Variants in PRKCB observed in about 807,000 individuals in gnomAD.
PRKCB encodes protein kinase C beta, also known as protein kinase C beta type.
In PRKCB, 13 loss-of-function variants were observed where a neutral mutation model predicts 81.5. The ratio of observed to expected loss-of-function variants is 0.16; its 90% CI spans 0.10 to 0.25. The LOEUF (loss-of-function observed/expected upper bound fraction) is 0.25. Ranked by LOEUF, PRKCB falls within the 10% of genes least tolerant of loss-of-function variation. The probability of loss-of-function intolerance (pLI) is 1.00; values close to 1 mark genes in which losing one functional copy is unlikely to be tolerated. For missense variants in PRKCB, 509 were observed against 875.7 expected (o/e 0.58, Z 5.29); for synonymous variants, 335 against 321.4 (o/e 1.04, Z -0.45).
chr16:24,209,397 C>A (rs1021964819), intron 16 of PRKCB, among the ~76,000 whole-genome samples: 4 of 152,248 alleles, frequency 2.6e-5, no homozygotes, highest in African/African-American at 9.6e-5. Flanking sequence ...TCTAGCTCCC[C>A]AAACCTCTGC....
At chr16:23,982,067 T>C (rs151055457) in intron 2 of PRKCB, among the ~76,000 whole-genome samples, 576 of 9,246 alleles carry the variant, frequency 0.062, no homozygotes, top group Middle Eastern at 0.17. Flanking sequence ...CTTCCCCTTC[T>C]CTTTCCCTTC....
chr16:24,157,316 A>C (rs1967176050), intron 10 of PRKCB, among the ~76,000 whole-genome samples: 1 of 152,166 alleles, frequency 6.6e-6, no homozygotes, highest in Admixed American at 6.5e-5. Context: ...TGTAGTTCCC[A>C]TAATCCCCAT....
chr16:24,050,438 C>T (rs928202272), intron 5 of PRKCB, among the ~76,000 whole-genome samples: 13 of 151,622 alleles, frequency 8.6e-5, no homozygotes, highest in Non-Finnish European at 4.4e-5. Flanking sequence ...TCAAACCTTT[C>T]GGCTTCCAGC....
At chr16:24,017,403 T>C (rs1965293452) in intron 3 of PRKCB, among the ~76,000 whole-genome samples, 1 of 151,960 alleles carries the variant, frequency 6.6e-6, no homozygotes, top group South Asian at 2.1e-4. Flanking sequence ...CATAAAAGAC[T>C]ACCAGAAAAT....
intron 5 of PRKCB, among the ~76,000 whole-genome samples, chr16:24,064,554 T>A (rs1451632886): frequency 1.3e-5 from 2 of 152,200 alleles, no homozygotes; most frequent in Non-Finnish European, 2.9e-5. Context: ...GTATCCTGTG[T>A]TTGTTGGATG....
chr16:23,836,398 G>A, intron 1 of PRKCB, 50 bp downstream of exon 1: 17 of 1,581,286 alleles, frequency 1.1e-5, no homozygotes, highest in Non-Finnish European at 1.5e-5. Context: ...GGGCAGCGCC[G>A]CGCCAGGGAC....
chr16:24,069,823 T>A (rs897153119), intron 5 of PRKCB, among the ~76,000 whole-genome samples: 1 of 152,238 alleles, frequency 6.6e-6, no homozygotes, highest in African/African-American at 2.4e-5. Flanking sequence ...CATGACATCA[T>A]CAGAGCCTAG....
At chr16:23,872,999 G>A (rs1359844350) in intron 2 of PRKCB, among the ~76,000 whole-genome samples, 1 of 150,620 alleles carries the variant, frequency 6.6e-6, no homozygotes, top group Non-Finnish European at 1.5e-5. Context: ...CCAACATGGT[G>A]AAACCCCGAC....
chr16:24,128,299 G>A (rs997749029), intron 9 of PRKCB, among the ~76,000 whole-genome samples: 2 of 152,066 alleles, frequency 1.3e-5, no homozygotes, highest in South Asian at 4.1e-4. Context: ...CGCTTGAACC[G>A]AGGAGGCGGA....
At chr16:23,897,073 CAGG>C (rs1963392487) in intron 2 of PRKCB, among the ~76,000 whole-genome samples, 1 of 152,182 alleles carries the variant, frequency 6.6e-6, no homozygotes, top group Non-Finnish European at 1.5e-5. Flanking sequence ...GACCCTGTGC[CAGG>C]TGTTGATCAC....
intron 2 of PRKCB, among the ~76,000 whole-genome samples, chr16:23,937,328 C>G (rs1964075692): frequency 6.6e-6 from 1 of 152,184 alleles, no homozygotes; most frequent in African/African-American, 2.4e-5. Context: ...GAGAGGACAT[C>G]TTTTCATATG....
At chr16:23,937,891 G>A (rs1964084496) in intron 2 of PRKCB, among the ~76,000 whole-genome samples, 1 of 152,192 alleles carries the variant, frequency 6.6e-6, no homozygotes, top group Non-Finnish European at 1.5e-5. Context: ...TGAATTGAAC[G>A]TTCAGTTGTG....
At chr16:23,913,729 C>T (rs1049309937) in intron 2 of PRKCB, among the ~76,000 whole-genome samples, 2 of 152,196 alleles carry the variant, frequency 1.3e-5, no homozygotes, top group Non-Finnish European at 2.9e-5. Context: ...TGGCTCAGTG[C>T]AGGAAGGGTT....
At chr16:24,138,149 G>A (rs1265737544) in intron 9 of PRKCB, among the ~76,000 whole-genome samples, 1 of 152,234 alleles carries the variant, frequency 6.6e-6, no homozygotes, top group Non-Finnish European at 1.5e-5. Flanking sequence ...AGCGGTGGAG[G>A]CAGGTTCAAA....
At chr16:24,112,550 C>G (rs57022966) in intron 7 of PRKCB, among the ~76,000 whole-genome samples, 1 of 151,990 alleles carries the variant, frequency 6.6e-6, no homozygotes, top group African/African-American at 2.4e-5. Context: ...AAAGCAACAA[C>G]AACAATAACA....
chr16:24,087,411 TCC>T (rs986848499), intron 5 of PRKCB, among the ~76,000 whole-genome samples: 2 of 152,236 alleles, frequency 1.3e-5, no homozygotes, highest in Non-Finnish European at 2.9e-5. Context: ...ATTTACTGTT[TCC>T]CCCATTGGTG....
chr16:23,842,215 G>T (rs1298598607), intron 2 of PRKCB, among the ~76,000 whole-genome samples: 2 of 152,132 alleles, frequency 1.3e-5, no homozygotes, highest in African/African-American at 4.8e-5. Context: ...CTTACTCCCT[G>T]TGTGACCTTG....
chr16:24,062,793 CA>C (rs1345756478), intron 5 of PRKCB, among the ~76,000 whole-genome samples: 1 of 152,050 alleles, frequency 6.6e-6, no homozygotes, highest in South Asian at 2.1e-4. Flanking sequence ...CTTCTTGTGC[CA>C]ATTAGAATGC....
At chr16:23,897,968 G>A (rs922673377) in intron 2 of PRKCB, among the ~76,000 whole-genome samples, 4 of 151,846 alleles carry the variant, frequency 2.6e-5, no homozygotes, top group Middle Eastern at 6.8e-3. Flanking sequence ...GCGTGATCTC[G>A]GCTCACTGCA....
Sources: gnomAD v4.1 joint callset for allele counts (sites outside exome capture counted in the v4.1 genomes callset) on GRCh38, gnomAD v4.1.1 for gene constraint, MANE v1.5 for transcripts, NCBI Gene and HGNC (gene_info 2026-07-23, HGNC 2026-07-21) for gene names.